Variants in CACNA1A observed in about 807,000 individuals in gnomAD.
CACNA1A encodes the protein voltage-dependent P/Q-type calcium channel subunit alpha-1A.
CACNA1A carries 57 observed loss-of-function variants against 262.4 expected under a neutral mutation model. The ratio of observed to expected loss-of-function variants is 0.22; its 90% CI spans 0.18 to 0.27. The LOEUF (loss-of-function observed/expected upper bound fraction) is 0.27. Among genes scored for constraint, CACNA1A ranks in the 10% least tolerant of loss-of-function variants. The pLI is 1.00. For synonymous variants in CACNA1A, 1,431 were observed against 1,419.3 expected (o/e 1.01, Z -0.18); for missense variants, 2,526 against 3,562.8 (o/e 0.71, Z 7.41).
At chr19:13,354,007 T>A (rs1004297960) in intron 6 of CACNA1A, among the ~76,000 whole-genome samples, 6 of 152,220 alleles carry the variant, frequency 3.9e-5, no homozygotes, top group African/African-American at 7.2e-5. Context: ...ACCATTTGCA[T>A]CTGTCTCTCC....
intron 6 of CACNA1A, among the ~76,000 whole-genome samples, chr19:13,346,654 ATATATATATATATTTTTTTTTTTTTTTTT>A (rs1568557596): frequency 1.8e-4 from 1 of 5,540 alleles, no homozygotes; most frequent in African/African-American, 8.2e-4. Context: ...ATATATATAT[ATATATATATATATTTTTTTTTTTTTTTTT>A]TTTTTTTTTT....
chr19:13,416,769 C>G (rs567539514), intron 3 of CACNA1A, among the ~76,000 whole-genome samples: 1 of 152,132 alleles, frequency 6.6e-6, no homozygotes, highest in Admixed American at 6.5e-5. Flanking sequence ...GAGCTGAGAT[C>G]GCGCCACTGC....
In CACNA1A at chr19:13,407,975, C is replaced by G. The variant is rs199956048; in HGVS notation, c.540-36196G>C. ...GACCTGGTTTTGTAGCACTCCCCCC[C>G]TCACTCTCTCTCTCCTGCCACCATG... On this transcript the variant is annotated intron_variant, in intron 3 of 46. Coordinates refer to ENST00000360228, the MANE Select transcript of CACNA1A (RefSeq NM_001127222.2). 2.2e-4 allele frequency among the ~76,000 whole-genome samples: 34 copies of G among 151,922 alleles called. No homozygotes were observed. The East Asian group carries it at 5.2e-3, about 23-fold the overall frequency.
At chr19:13,498,397 C>G (rs1362474130) in intron 1 of CACNA1A, among the ~76,000 whole-genome samples, 1 of 152,096 alleles carries the variant, frequency 6.6e-6, no homozygotes, top group Non-Finnish European at 1.5e-5. Context: ...AACTTAACAG[C>G]ATGAATATTA....
Position 13,303,606 on chromosome 19 carries a change from G to A in CACNA1A, c.2112C>T (p.Leu704=), listed in dbSNP as rs1467985713. 1.9e-6 allele frequency: 3 copies of A among 1,611,890 alleles called. No homozygotes were observed. The highest frequency in any genetic ancestry group is 1.1e-5 in the South Asian group (1 of 90,746). Reference sequence around the variant, plus strand: ...CAGCGATGGCCAAGAACACATTCAGGAGGGTGTCTGCAAATGTCTGAGTCA... The same window carrying A: ...CAGCGATGGCCAAGAACACATTCAGAAGGGTGTCTGCAAATGTCTGAGTCA... ...IVLTLFGNYT[L]LNVFLAIAVD... The change falls in exon 17 of 47, where the codon CTC becomes CTT. Residue 704 remains leucine (L), a synonymous_variant. Coordinates refer to ENST00000360228, the MANE Select transcript of CACNA1A (RefSeq NM_001127222.2).
At chr19:13,366,871 C>T (rs2059222008) in intron 4 of CACNA1A, among the ~76,000 whole-genome samples, 2 of 152,154 alleles carry the variant, frequency 1.3e-5, no homozygotes, top group Admixed American at 1.3e-4. Context: ...CCAGACTCAA[C>T]ATTATTTCAC....
At chr19:13,299,585 C>T (rs2057746159) in intron 18 of CACNA1A, among the ~76,000 whole-genome samples, 2 of 152,182 alleles carry the variant, frequency 1.3e-5, no homozygotes, top group African/African-American at 4.8e-5. Context: ...TCCCCCCTGA[C>T]CCAGAAGGCC....
chr19:13,274,150 G>C lies in CACNA1A; in HGVS notation c.3989+1700C>G, dbSNP rs549469030. 3.3e-5 allele frequency: 5 copies of C among 152,294 alleles called. No homozygotes were observed. The East Asian group carries it at 9.7e-4, about 29-fold the overall frequency. The allele number at this position is 152,294 out of a possible 1,614,324, so 9.4% of individuals were successfully genotyped here. On this transcript the variant is annotated intron_variant, in intron 24 of 46. Transcript: ENST00000360228. ...AGAGTAAACGAACAAAAAGAGAGGA[G>C]AAAGAGGAGGAAGGAGTGAAAGAGA...
intron 3 of CACNA1A, among the ~76,000 whole-genome samples, chr19:13,380,437 G>A (rs1179755956): frequency 5.3e-5 from 8 of 151,514 alleles, no homozygotes; most frequent in African/African-American, 1.5e-4. Flanking sequence ...CTTGAGGCCA[G>A]GAGTTCGAGA....
chr19:13,290,585 T>C (rs1454499344), intron 19 of CACNA1A, among the ~76,000 whole-genome samples: 2 of 151,902 alleles, frequency 1.3e-5, no homozygotes, highest in Non-Finnish European at 2.9e-5. Flanking sequence ...TTATTTTTAT[T>C]AATTTTTGTA....
intron 1 of CACNA1A, among the ~76,000 whole-genome samples, chr19:13,474,496 AAAG>A (rs1978317579): frequency 6.6e-6 from 1 of 152,208 alleles, no homozygotes; most frequent in Non-Finnish European, 1.5e-5. Context: ...GAGGTGGGAA[AAAG>A]AAGATGAAGA....
intron 3 of CACNA1A, among the ~76,000 whole-genome samples, chr19:13,421,864 C>T (rs577667438): frequency 3.3e-5 from 5 of 152,172 alleles, no homozygotes; most frequent in Non-Finnish European, 5.9e-5. Flanking sequence ...AGGAAGTGTC[C>T]TCATCCAGAT....
intron 12 of CACNA1A, among the ~76,000 whole-genome samples, chr19:13,312,347 C>T (rs2058051325): frequency 6.6e-6 from 1 of 152,100 alleles, no homozygotes; most frequent in South Asian, 2.1e-4. Context: ...TGTTTGTAAT[C>T]CTGAAGTTGG....
At chr19:13,304,088 C>A (rs149921513) in intron 15 of CACNA1A, among the ~76,000 whole-genome samples, 1 of 152,020 alleles carries the variant, frequency 6.6e-6, no homozygotes, top group Admixed American at 6.6e-5. Context: ...GCCGTTCCTG[C>A]GTCGTGGGGC....
intron 24 of CACNA1A, chr19:13,275,583 C>T: frequency 2.0e-6 from 1 of 504,264 alleles, no homozygotes; most frequent in Non-Finnish European, 3.6e-6. Context: ...AGCTGCACAG[C>T]AAGGGGCCAG....
chr19:13,222,972 C>G (rs931268704), intron 38 of CACNA1A, among the ~76,000 whole-genome samples: 2 of 152,090 alleles, frequency 1.3e-5, no homozygotes, highest in East Asian at 3.9e-4. Context: ...GGATTACAGG[C>G]GTAAGCCACT....
chr19:13,436,263 G>A (rs1486404391), intron 3 of CACNA1A, among the ~76,000 whole-genome samples: 1 of 152,188 alleles, frequency 6.6e-6, no homozygotes, highest in African/African-American at 2.4e-5. Flanking sequence ...TACAGCTGCT[G>A]AGGCGAGTGT....
At chr19:13,264,433 T>A (rs4926245) in intron 24 of CACNA1A, among the ~76,000 whole-genome samples, 125,050 of 152,216 alleles carry the variant, frequency 0.82, 51,472 homozygotes, top group Middle Eastern at 0.88. Flanking sequence ...GCCAATGACC[T>A]TGTCACTCTT....
chr19:13,277,211 G>A, intron 22 of CACNA1A, 83 bp from the exon 23 acceptor site: 2 of 946,796 alleles, frequency 2.1e-6, no homozygotes, highest in East Asian at 5.0e-5. Flanking sequence ...CGCCTACTGG[G>A]GAGCAGAGTT....
Sources: gnomAD v4.1 joint callset for allele counts (sites outside exome capture counted in the v4.1 genomes callset) on GRCh38, gnomAD v4.1.1 for gene constraint, MANE v1.5 for transcripts, NCBI Gene and HGNC (gene_info 2026-07-23, HGNC 2026-07-21) for gene names.